Variants in BCAN observed in about 807,000 individuals in gnomAD.
The protein encoded by BCAN is brevican core protein.
In BCAN, 51 loss-of-function variants were observed where a neutral mutation model predicts 92.4. The observed-to-expected ratio is 0.55, with a 90% CI of 0.44 to 0.70. BCAN has a LOEUF of 0.70. Ranked by LOEUF, BCAN falls within the 30% of genes least tolerant of loss-of-function variation. The pLI is 0.00. For missense variants in BCAN, 1,140 were observed against 1,212.1 expected, an observed-to-expected ratio of 0.94 and a Z score of 0.88; for synonymous variants, 501 against 505.2, an observed-to-expected ratio of 0.99 and a Z score of 0.11.
At chr1:156,656,750 C>A in intron 9 of BCAN, 188 bp from the exon 10 acceptor site, 1 of 751,928 alleles carries the variant, frequency 1.3e-6, no homozygotes, top group Non-Finnish European at 2.1e-6. Context: ...GGCACCAGCG[C>A]CCCTGCCCAA....
At chr1:156,653,388 C>A (rs971802118) in intron 8 of BCAN, 23 of 1,009,290 alleles carry the variant, frequency 2.3e-5, no homozygotes, top group Non-Finnish European at 2.7e-5. Context: ...GAGCCTTAAG[C>A]AACTACTTCT....
At position 156,659,286 on chromosome 1, in the gene BCAN, A is replaced by C; in HGVS notation, c.*152A>C. 1.6e-6 allele frequency: 1 copy of C among 632,662 alleles called. No individual in the cohort carries two copies. Among genetic ancestry groups the C allele is most frequent in the Non-Finnish European group, 2.7e-6 (1 of 375,886 alleles). The allele number at this position is 632,662 out of a possible 1,614,324, so 39.2% of individuals were successfully genotyped here. ...CAGTTCCTGAAGGGGCTTCTGGGAA[A>C]TACCTAGGAGGCTCCAGCCCAGCCC... On this transcript the variant is annotated 3_prime_UTR_variant, in exon 14 of 14. Coordinates refer to ENST00000329117, the MANE Select transcript of BCAN (RefSeq NM_021948.5).
At position 156,651,677 on chromosome 1, in the gene BCAN, A is replaced by G. The variant is rs751639825; in HGVS notation, c.1285A>G (p.Arg429Gly). 1.8e-5 allele frequency: 29 copies of G among 1,611,268 alleles called. No individual in the cohort carries two copies. In the Middle Eastern group the frequency reaches 8.2e-4, roughly 46 times the overall value. ...TCCAGAAGACCCAGCAGAGGCCCCTAGGACGCTCCTAGGTAAGTCGGATCC... is the reference window on the plus strand; with the variant it reads ...TCCAGAAGACCCAGCAGAGGCCCCTGGGACGCTCCTAGGTAAGTCGGATCC... ...STPEDPAEAP[R>G]TLLEFETQSM... Residue 429 changes from arginine (R) to glycine (G), a missense_variant, in exon 7 of 14, where the codon AGG (arginine) becomes GGG (glycine). Physicochemically the swap from Arg to Gly is moderately radical, Grantham distance 125 (BLOSUM62 -2). Transcript: ENST00000329117.
chr1:156,652,649 G>A lies in BCAN; in HGVS notation c.1699G>A (p.Glu567Lys). 1 of 1,613,832 alleles carries A rather than the reference G, an allele frequency of 6.2e-7. No individual in the cohort carries two copies. The highest frequency in any genetic ancestry group is 1.1e-5 in the South Asian group (1 of 91,066). The change falls in exon 8 of 14, where the codon GAG (glutamate) becomes AAG (lysine). Residue 567 changes from glutamate to lysine, a missense_variant. Glu to Lys is a moderately conservative substitution (Grantham distance 56). Around this residue, in one of 3 missense-constraint regions of BCAN, gnomAD observed 825 missense variants for 871.8 expected, o/e 0.95. Coordinates refer to ENST00000329117, the MANE Select transcript of BCAN (RefSeq NM_021948.5). ...TCTGGTTGAGGCAAGAGAGGTGGGGGAGGCAACTGGTGGTCCTGAGCTATC... is the reference window on the plus strand; with the variant it reads ...TCTGGTTGAGGCAAGAGAGGTGGGGAAGGCAACTGGTGGTCCTGAGCTATC... ...STLVEAREVG[E>K]ATGGPELSGV...
At chr1:156,643,051 T>C (rs951087468) in intron 1 of BCAN, 1 of 152,158 alleles carries the variant, frequency 6.6e-6, no homozygotes, top group African/African-American at 2.4e-5. Flanking sequence ...CCCCCACCTA[T>C]TGGAATAGCT....
Position 156,646,808 on chromosome 1 carries a change from C to A in BCAN, c.99C>A (p.Arg33=), listed in dbSNP as rs1456957895. The part of the protein sequence containing the change: ...DVLEGDSSED[R]AFRVRIAGDA... ...GGCTCCACCCGTTCACAGAGGACCG[C>A]GCTTTTCGCGTGCGCATCGCGGGCG... The change falls in exon 3 of 14, where the codon CGC becomes CGA. Residue 33 remains arginine, a synonymous_variant. Transcript: ENST00000329117. 5 of 1,562,936 alleles carry A rather than the reference C, an allele frequency of 3.2e-6. No individual in the cohort carries two copies. Among genetic ancestry groups the A allele is most frequent in the Non-Finnish European group, 4.3e-6 (5 of 1,154,488 alleles).
rs1679061109 is a variant in BCAN, at chr1:156,648,607, T to C, written c.809T>C (p.Leu270Ser). The change falls in exon 6 of 14, where the codon TTG (leucine) becomes TCG (serine). Residue 270 changes from leucine to serine, a missense_variant. Physicochemically the swap from Leu to Ser is moderately radical, Grantham distance 145. This residue lies in a region of BCAN where 825 missense variants were observed against 871.8 expected (regional missense o/e 0.95). Coordinates refer to ENST00000329117, the MANE Select transcript of BCAN (RefSeq NM_021948.5). Reference protein sequence around the residue: ...FLGDPPEKLTLEEARAYCQER... With the variant: ...FLGDPPEKLTSEEARAYCQER... ...GGTGACCCTCCAGAGAAGCTGACAT[T>C]GGAGGAAGCACGGGCGTACTGCCAG... 6.2e-7 allele frequency: 1 copy of C among 1,604,290 alleles called. No individual in the cohort carries two copies. Among genetic ancestry groups the C allele is most frequent in the South Asian group, 1.1e-5 (1 of 90,790 alleles).
intron 8 of BCAN, chr1:156,653,159 C>T: frequency 1.4e-6 from 2 of 1,395,982 alleles, no homozygotes; most frequent in Non-Finnish European, 1.8e-6. Flanking sequence ...GGGCCCTCCA[C>T]CTGTGGCTCA....
At chr1:156,655,601 G>A (rs1679298475) in intron 8 of BCAN, among the ~76,000 whole-genome samples, 1 of 152,230 alleles carries the variant, frequency 6.6e-6, no homozygotes. Context: ...CTAAGCTGGG[G>A]GAGAAGGGGC....
Position 156,647,810 on chromosome 1 carries a change from G to T in BCAN, c.641+128G>T, listed in dbSNP as rs552991904. The T allele has an allele frequency of 5.9e-6, 9 of 1,532,634 alleles. No individual in the cohort carries two copies. The highest frequency in any genetic ancestry group is 8.1e-6 in the Non-Finnish European group (9 of 1,113,558). 94.9% of individuals were successfully genotyped at this position (1,532,634 alleles called of 1,614,324 possible). The stretch of plus-strand genomic sequence containing the variant: ...TTTTTGCCTCTGGGGGATGAGGCTG[G>T]TCTGAGGAGGGGAGGTGAGGACCCT... On this transcript the variant is annotated intron_variant, in intron 4 of 13. Transcript: ENST00000329117. The surrounding 1 kb of genome is among the most constrained non-coding windows in gnomAD (Gnocchi z 4.8).
chr1:156,654,052 C>A (rs1679260723), intron 8 of BCAN, among the ~76,000 whole-genome samples: 1 of 152,214 alleles, frequency 6.6e-6, no homozygotes, highest in African/African-American at 2.4e-5. Flanking sequence ...AACTCCTGCA[C>A]TAATGATCAT....
chr1:156,646,262 C>A lies in BCAN; in HGVS notation c.91+117C>A, dbSNP rs935289614. 8 of 951,058 alleles carry A rather than the reference C, an allele frequency of 8.4e-6. No individual in the cohort carries two copies. In the African/African-American group the frequency reaches 1.2e-4, roughly 14 times the overall value. The allele number at this position is 951,058 out of a possible 1,614,324, so 58.9% of individuals were successfully genotyped here. A position where few individuals can be genotyped will look rare whatever the true frequency, so the allele number is the denominator to read the frequency against. On this transcript the variant is annotated intron_variant, in intron 2 of 13. Coordinates refer to ENST00000329117, the MANE Select transcript of BCAN (RefSeq NM_021948.5). ...GGAGGGCTGTGGGGAAGCGTCCAGGCTGGAACACTTGGAAATAAGGGCTGA... is the reference window on the plus strand; with the variant it reads ...GGAGGGCTGTGGGGAAGCGTCCAGGATGGAACACTTGGAAATAAGGGCTGA...
chr1:156,646,614 G>A, intron 2 of BCAN, 187 bp from the exon 3 acceptor site: 1 of 964,230 alleles, frequency 1.0e-6, no homozygotes, highest in Non-Finnish European at 1.5e-6. Flanking sequence ...GAGACCGTCG[G>A]GGTGGTCCTG....
At position 156,658,409 on chromosome 1, in the gene BCAN, C is replaced by A; in HGVS notation, c.2438-134C>A. ...GTGTTCCAGACCATGGGAGAGCTAA[C>A]AAGTTACGTGGGTCCACTCGGAATC... On this transcript the variant is annotated intron_variant, in intron 12 of 13. Coordinates refer to ENST00000329117, the MANE Select transcript of BCAN (RefSeq NM_021948.5). This position sits in a 1 kb window ranked among gnomAD's most constrained non-coding sequence, Gnocchi z 4.4. 2.7e-6 allele frequency: 4 copies of A among 1,460,400 alleles called. No individual in the cohort carries two copies. In the South Asian group the frequency reaches 4.0e-5, roughly 15 times the overall value. 90.5% of individuals were successfully genotyped at this position (1,460,400 alleles called of 1,614,324 possible).
chr1:156,659,526 C>G lies in BCAN; in HGVS notation c.*392C>G, dbSNP rs1363651680. On this transcript the variant is annotated 3_prime_UTR_variant, in exon 14 of 14. Coordinates refer to ENST00000329117, the MANE Select transcript of BCAN (RefSeq NM_021948.5). ...AAATAAAACTGTGTATGAGCCCAGG[C>G]AAGTTGGATGCTTCTGTGTGTATGT... 5.1e-6 allele frequency: 1 copy of G among 197,034 alleles called. No homozygotes were observed. Among genetic ancestry groups the G allele is most frequent in the Non-Finnish European group, 1.0e-5 (1 of 98,740 alleles). 12.2% of individuals were successfully genotyped at this position (197,034 alleles called of 1,614,324 possible). A position where few individuals can be genotyped will look rare whatever the true frequency, so the allele number is the denominator to read the frequency against.
chr1:156,643,635 C>CACAGAGAGAGAGAGAGAGAG (rs549293956), intron 1 of BCAN: 6 of 103,854 alleles, frequency 5.8e-5, no homozygotes, highest in South Asian at 4.4e-4. Context: ...CACACACACA[C>CACAGAGAGAGAGAGAGAGAG]AGAGAGAGAG....
In BCAN at chr1:156,647,582, C is replaced by G. The variant is rs375727911; in HGVS notation, c.541C>G (p.Arg181Gly). 2 of 1,612,852 alleles carry G rather than the reference C, an allele frequency of 1.2e-6. No homozygotes were observed. The highest frequency in any genetic ancestry group is 1.3e-5 in the African/African-American group (1 of 74,904). ...SFSGAQEACA[R>G]IGAHIATPEQ... ...TTCTGGGGCCCAGGAGGCCTGTGCC[C>G]GCATTGGAGCCCACATCGCCACCCC... The change falls in exon 4 of 14, where the codon CGC becomes GGC. Residue 181 changes from arginine (R) to glycine (G), a missense_variant. This residue lies in a region of BCAN where 286 missense variants were observed against 284.1 expected (regional missense o/e 1.01). Coordinates refer to ENST00000329117, the MANE Select transcript of BCAN (RefSeq NM_021948.5). The surrounding 1 kb of genome is among the most constrained non-coding windows in gnomAD (Gnocchi z 4.8).
chr1:156,655,003 G>A (rs1679286332), intron 8 of BCAN, among the ~76,000 whole-genome samples: 1 of 152,216 alleles, frequency 6.6e-6, no homozygotes, highest in African/African-American at 2.4e-5. Flanking sequence ...CCAGGCAGTG[G>A]GACCTGTGGC....
Position 156,653,213 on chromosome 1 carries a change from T to A in BCAN, c.1942+321T>A, listed in dbSNP as rs1453563234. 3 of 1,308,758 alleles carry A rather than the reference T, an allele frequency of 2.3e-6. No individual in the cohort carries two copies. The African/African-American group carries it at 4.5e-5, about 20-fold the overall frequency. The allele number at this position is 1,308,758 out of a possible 1,614,324, so 81.1% of individuals were successfully genotyped here. A position where few individuals can be genotyped will look rare whatever the true frequency, so the allele number is the denominator to read the frequency against. On this transcript the variant is annotated intron_variant, in intron 8 of 13. Coordinates refer to ENST00000329117, the MANE Select transcript of BCAN (RefSeq NM_021948.5). ...GAGCATCCTCAGGCCTCTCCAAGGG[T>A]CCTCATCACCTATTGCAGCCTTCAG...
Sources: gnomAD v4.1 joint callset for allele counts (sites outside exome capture counted in the v4.1 genomes callset) on GRCh38, gnomAD v4.1.1 for gene constraint, gnomAD v4.1.1 regional missense constraint, Gnocchi (gnomAD v3.1) non-coding constraint, MANE v1.5 for transcripts, NCBI Gene and HGNC (gene_info 2026-07-23, HGNC 2026-07-21) for gene names.